RSRC2: variants seen among roughly 807,000 people sequenced by gnomAD.
RSRC2 encodes the protein arginine and serine rich coiled-coil 2.
A neutral mutation model predicts 61.3 loss-of-function variants in RSRC2; 5 were observed. The observed-to-expected ratio is 0.08, with a 90% CI of 0.04 to 0.17. RSRC2 has a LOEUF of 0.17. Among genes scored for constraint, RSRC2 ranks in the 10% least tolerant of loss-of-function variants. The probability of loss-of-function intolerance (pLI) is 1.00; values close to 1 mark genes in which losing one functional copy is unlikely to be tolerated. For synonymous variants in RSRC2, 202 were observed against 166.5 expected, an observed-to-expected ratio of 1.21 and a Z score of -1.64; for missense variants, 381 against 518.8, an observed-to-expected ratio of 0.73 and a Z score of 2.58.
At position 122,507,134 on chromosome 12, in the gene RSRC2, T is replaced by C. The variant is rs559861024; in HGVS notation, c.1036-211A>G. ...GCTTCACTCCTATAATCCCAGCACTTTGGAAGGCCGAGGTGGGCAAATCAC... is the reference window on the plus strand; with the variant it reads ...GCTTCACTCCTATAATCCCAGCACTCTGGAAGGCCGAGGTGGGCAAATCAC... On this transcript the variant is annotated intron_variant, in intron 8 of 9. Transcript: ENST00000331738. 4.3e-5 allele frequency: 24 copies of C among 559,928 alleles called. No homozygotes were observed. The African/African-American group carries it at 4.4e-4, about 10-fold the overall frequency. The allele number at this position is 559,928 out of a possible 1,614,324, so 34.7% of individuals were successfully genotyped here. A position where few individuals can be genotyped will look rare whatever the true frequency, so the allele number is the denominator to read the frequency against.
rs1169838098 is a variant in RSRC2 at position 122,525,801 on chromosome 12, G to GTTTTTTTT, written c.6+1039_6+1046dup. 6.5e-4 allele frequency among the ~76,000 whole-genome samples: 14 copies of GTTTTTTTT among 21,502 alleles called. 5 individuals carry two copies. Among genetic ancestry groups the GTTTTTTTT allele is most frequent in the African/African-American group, 5.2e-3 (14 of 2,686 alleles). The allele number at this position is 21,502 out of a possible 152,430, so 14.1% of individuals were successfully genotyped here. A position where few individuals can be genotyped will look rare whatever the true frequency, so the allele number is the denominator to read the frequency against. On this transcript the variant is annotated intron_variant, in intron 1 of 9. Coordinates refer to ENST00000331738, the MANE Select transcript of RSRC2 (RefSeq NM_023012.6). ...GTAGCTCCTCTGGGGTCAACGAAGA[G>GTTTTTTTT]TTTTTTTTTTTTTTTTTTTTTTTTT...
rs536978325 is a variant in RSRC2, at chr12:122,526,868, G to A, written c.-15C>T. 2.8e-5 allele frequency: 46 copies of A among 1,614,078 alleles called. No individual in the cohort carries two copies. Among genetic ancestry groups the A allele is most frequent in the Non-Finnish European group, 3.6e-5 (42 of 1,180,012 alleles). On this transcript the variant is annotated 5_prime_UTR_variant, in exon 1 of 10. Coordinates refer to ENST00000331738, the MANE Select transcript of RSRC2 (RefSeq NM_023012.6). The stretch of plus-strand genomic sequence containing the variant: ...CCTACCGCCATAGTTCAGAGTCCCG[G>A]CCGCTAGAGCGGCGCCTCCACTTGT...
rs201231846 is a variant in RSRC2, at chr12:122,522,283, C to T, written c.23G>A (p.Arg8Gln). The change falls in exon 2 of 10, where the codon CGA becomes CAA. Residue 8 changes from arginine to glutamine, a missense_variant. Around this residue, in one of 4 missense-constraint regions of RSRC2, gnomAD observed 266 missense variants for 270.5 expected, o/e 0.98. Transcript: ENST00000331738. MAASDTE[R>Q]DGLAPEKTSP... is the part of the protein sequence containing the mutation. ...TGTCTTTTCTGGGGCTAGTCCATCT[C>T]GCTCTGTATCACTAGCCTAAAAGTT... 3.7e-5 allele frequency: 59 copies of T among 1,605,218 alleles called. No individual in the cohort carries two copies. The highest frequency in any genetic ancestry group is 1.9e-4 in the Admixed American group (11 of 57,760).
At chr12:122,519,925 A>T (rs1311684415) in intron 3 of RSRC2, 1 of 152,786 alleles carries the variant, frequency 6.5e-6, no homozygotes. Context: ...TTAAAATCCT[A>T]GACATCTCTG....
chr12:122,514,820 A>G (rs1958788980), intron 6 of RSRC2: 1 of 784,004 alleles, frequency 1.3e-6, no homozygotes, highest in Admixed American at 4.1e-5. Flanking sequence ...TCAAAAAAAA[A>G]AAGTTTCAAA....
chr12:122,520,141 G>A (rs973471292), intron 3 of RSRC2: 1 of 208,724 alleles, frequency 4.8e-6, no homozygotes, highest in East Asian at 1.4e-4. Flanking sequence ...TTCCACTCAC[G>A]ATTAATGTTT....
At chr12:122,514,268 G>GT (rs1375191873) in intron 6 of RSRC2, among the ~76,000 whole-genome samples, 4,016 of 135,930 alleles carry the variant, frequency 0.03, 205 homozygotes, top group African/African-American at 0.1. Context: ...GTGTGTGTGT[G>GT]TGTTTTTTTT....
At position 122,521,430 on chromosome 12, in the gene RSRC2, T is replaced by C; in HGVS notation, c.164-2A>G. 1 of 1,611,896 alleles carries C rather than the reference T, an allele frequency of 6.2e-7. No homozygotes were observed. The highest frequency in any genetic ancestry group is 8.5e-7 in the Non-Finnish European group (1 of 1,178,304). ...TCCTGTGTTTTCTTCCTTCATTATC[T>C]GTGAATACACAAAAAAAATAATCAC... On this transcript the variant is annotated splice_acceptor_variant, in intron 2 of 9. Coordinates refer to ENST00000331738, the MANE Select transcript of RSRC2 (RefSeq NM_023012.6). LOFTEE classifies it high-confidence loss of function.
rs1251437728 is a variant in RSRC2, at chr12:122,515,223, T to C, written c.607A>G (p.Arg203Gly). The change falls in exon 6 of 10, where the codon AGA becomes GGA. Residue 203 changes from arginine to glycine, a missense_variant. By Grantham distance (125) the Arg-to-Gly change is moderately radical. Transcript: ENST00000331738. ...RSRTRSRSRDRKKRIEKPRRF... is the reference protein window; with the variant it reads ...RSRTRSRSRDGKKRIEKPRRF... ...CTCGGCTTTTCAATTCTCTTCTTTC[T>C]ATCTCTGTAGTAAATCGTATTTCAT... 6.2e-7 allele frequency: 1 copy of C among 1,613,668 alleles called. No homozygotes were observed. Among genetic ancestry groups the C allele is most frequent in the Non-Finnish European group, 8.5e-7 (1 of 1,179,838 alleles).
At chr12:122,522,416 C>A in intron 1 of RSRC2, 117 bp from the exon 2 acceptor site, 1 of 982,494 alleles carries the variant, frequency 1.0e-6, no homozygotes, top group Non-Finnish European at 1.4e-6. Context: ...AATCAGAATG[C>A]CTGCTTTCCA....
Position 122,505,321 on chromosome 12 carries a change from T to G in RSRC2, c.*206A>C, listed in dbSNP as rs1255255278. On this transcript the variant is annotated 3_prime_UTR_variant, in exon 10 of 10. Transcript: ENST00000331738. Reference sequence around the variant, plus strand: ...AAAAAATATTATCCTTCTATAGTCCTGTCAAGTTTAATGGAAGTGGGTTTA... The same window carrying G: ...AAAAAATATTATCCTTCTATAGTCCGGTCAAGTTTAATGGAAGTGGGTTTA... The G allele has an allele frequency of 6.6e-6, 3 of 453,814 alleles. No homozygotes were observed. The highest frequency in any genetic ancestry group is 6.0e-5 in the African/African-American group (3 of 49,854). The allele number at this position is 453,814 out of a possible 1,614,324, so 28.1% of individuals were successfully genotyped here. A position where few individuals can be genotyped will look rare whatever the true frequency, so the allele number is the denominator to read the frequency against.
Position 122,508,459 on chromosome 12 carries a change from G to GA in RSRC2, c.806-13dup. ...TCCAGTAGCTGCAGCTGCTTGAAGA[G>GA]AATACAAAAATGGATTTTAAAACGA... is the stretch of plus-strand genomic sequence containing the variant. On this transcript the variant is annotated splice_polypyrimidine_tract_variant and intron_variant, in intron 7 of 9. Coordinates refer to ENST00000331738, the MANE Select transcript of RSRC2 (RefSeq NM_023012.6). The GA allele has an allele frequency of 6.3e-7, 1 of 1,593,992 alleles. No homozygotes were observed. The highest frequency in any genetic ancestry group is 1.3e-5 in the African/African-American group (1 of 74,380).
At chr12:122,510,848 T>C (rs978028796) in intron 7 of RSRC2, among the ~76,000 whole-genome samples, 2 of 152,118 alleles carry the variant, frequency 1.3e-5, no homozygotes, top group Admixed American at 6.6e-5. Context: ...AGATCAAGAA[T>C]AGTCTTGGCA....
chr12:122,505,511 A>G lies in RSRC2; in HGVS notation c.*16T>C, dbSNP rs1350053406. The G allele has an allele frequency of 1.2e-6, 2 of 1,610,660 alleles. No individual in the cohort carries two copies. Among genetic ancestry groups the G allele is most frequent in the Non-Finnish European group, 1.7e-6 (2 of 1,177,554 alleles). On this transcript the variant is annotated 3_prime_UTR_variant, in exon 10 of 10. Transcript: ENST00000331738. ...AAGAAGTCTATAAGTCCCAAACTTT[A>G]CAAGTGTGATCATTTTCAAACTGCA...
chr12:122,520,655 A>T, intron 3 of RSRC2: 2 of 1,082,456 alleles, frequency 1.8e-6, no homozygotes, highest in Non-Finnish European at 2.6e-6. Flanking sequence ...AACTCTCCTA[A>T]ATTAAAAATT....
chr12:122,523,376 A>G (rs1000079184), intron 1 of RSRC2: 2 of 152,072 alleles, frequency 1.3e-5, no homozygotes, highest in African/African-American at 4.8e-5. Flanking sequence ...ATTAGCCAAG[A>G]GTGGTGGGGC....
At chr12:122,525,636 A>C (rs1162749440) in intron 1 of RSRC2, among the ~76,000 whole-genome samples, 1 of 152,208 alleles carries the variant, frequency 6.6e-6, no homozygotes, top group Non-Finnish European at 1.5e-5. Flanking sequence ...TTTTTTAGTC[A>C]GTAAAAAGGA....
chr12:122,509,455 A>C lies in RSRC2; in HGVS notation c.806-1008T>G, dbSNP rs147491944. On this transcript the variant is annotated intron_variant, in intron 7 of 9. Coordinates refer to ENST00000331738, the MANE Select transcript of RSRC2 (RefSeq NM_023012.6). ...ACAGTATGAGCCTCCGTCTCAAAAA[A>C]AAAAACAAAAACAAAAACAAAAAAA... 4.0e-3 allele frequency among the ~76,000 whole-genome samples: 602 copies of C among 152,000 alleles called. 3 individuals are homozygous for C. Among genetic ancestry groups the C allele is most frequent in the African/African-American group, 0.012 (515 of 41,488 alleles).
chr12:122,522,178 G>A lies in RSRC2; in HGVS notation c.128C>T (p.Ser43Leu). 1 of 1,612,906 alleles carries A rather than the reference G, an allele frequency of 6.2e-7. No individual in the cohort carries two copies. The highest frequency in any genetic ancestry group is 8.5e-7 in the Non-Finnish European group (1 of 1,179,726). The change falls in exon 2 of 10, where the codon TCA becomes TTA. Residue 43 changes from serine to leucine, a missense_variant. Ser to Leu is a moderately radical substitution (Grantham distance 145, BLOSUM62 -2). Around this residue, in one of 4 missense-constraint regions of RSRC2, gnomAD observed 266 missense variants for 270.5 expected, o/e 0.98. Coordinates refer to ENST00000331738, the MANE Select transcript of RSRC2 (RefSeq NM_023012.6). Reference protein sequence around the residue: ...PRASKHHYSRSRSRSRERKRK... With the variant: ...PRASKHHYSRLRSRSRERKRK... ...TTTTCTTTCTCTTGACCTTGATCGT[G>A]ATCTTGAATAATGATGTTTTGAAGC...
Sources: allele counts gnomAD v4.1 joint callset (sites outside exome capture counted in the v4.1 genomes callset), GRCh38; gene constraint gnomAD v4.1.1; regional missense constraint gnomAD v4.1.1; transcripts MANE v1.5; gene names NCBI Gene and HGNC (gene_info 2026-07-23, HGNC 2026-07-21).